Variants in CFAP206 observed in about 807,000 individuals in gnomAD.
The protein encoded by CFAP206 is cilia and flagella associated protein 206.
In CFAP206, 53 loss-of-function variants were observed where a neutral mutation model predicts 65.4. The ratio of observed to expected loss-of-function variants is 0.81; its 90% CI spans 0.65 to 1.02. The LOEUF (loss-of-function observed/expected upper bound fraction) is 1.02, where lower values mean the gene tolerates loss of function less well. Among genes scored for constraint, CFAP206 ranks in the 50% least tolerant of loss-of-function variants. The pLI is 0.00. For missense variants in CFAP206, 663 were observed against 753.2 expected (o/e 0.88, Z 1.40); for synonymous variants, 250 against 254.4 (o/e 0.98, Z 0.17).
At chr6:87,454,893 T>C (rs191967147) in intron 11 of CFAP206, among the ~76,000 whole-genome samples, 89 of 149,264 alleles carry the variant, frequency 6.0e-4, no homozygotes, top group African/African-American at 2.1e-3. Context: ...TAAAAATCAA[T>C]AACAAGAGGA....
intron 7 of CFAP206, among the ~76,000 whole-genome samples, chr6:87,421,090 G>C (rs887626808): frequency 2.0e-4 from 31 of 152,108 alleles, no homozygotes; most frequent in Admixed American, 8.5e-4. Context: ...ATGAATATTC[G>C]TTTTAAAGTC....
chr6:87,421,465 G>T, intron 7 of CFAP206, among the ~76,000 whole-genome samples: 1 of 152,152 alleles, frequency 6.6e-6, no homozygotes, highest in Middle Eastern at 3.4e-3. Flanking sequence ...CAGCCTGGGC[G>T]ACAGAGTGAG....
At chr6:87,442,178 C>T (rs948089484) in intron 11 of CFAP206, 1 of 154,174 alleles carries the variant, frequency 6.5e-6, no homozygotes, top group Non-Finnish European at 1.5e-5. Context: ...TCAACAACCA[C>T]AGCAAATCAA....
chr6:87,445,994 T>A (rs942859924), intron 11 of CFAP206, among the ~76,000 whole-genome samples: 1 of 152,230 alleles, frequency 6.6e-6, no homozygotes, highest in African/African-American at 2.4e-5. Context: ...GTTGCATGAA[T>A]GTCTTCTTTT....
In CFAP206 at chr6:87,462,087, A is replaced by C. The variant is rs528864758; in HGVS notation, c.1638+922A>C. On this transcript the variant is annotated intron_variant, in intron 12 of 12. Coordinates refer to ENST00000369562, the MANE Select transcript of CFAP206 (RefSeq NM_001031743.3). ...GGCAGAAGGGGCCAAAAAATGGAGAAGTTGGCTAAGTCTTCAACATTCTGG... is the reference window on the plus strand; with the variant it reads ...GGCAGAAGGGGCCAAAAAATGGAGACGTTGGCTAAGTCTTCAACATTCTGG... Among the ~76,000 whole-genome samples the C allele has an allele frequency of 2.6e-5, 4 of 152,324 alleles. No homozygotes were observed. The East Asian group carries it at 7.7e-4, about 29-fold the overall frequency.
At chr6:87,417,987 C>T (rs1472407623) in intron 6 of CFAP206, among the ~76,000 whole-genome samples, 1 of 151,988 alleles carries the variant, frequency 6.6e-6, no homozygotes, top group Non-Finnish European at 1.5e-5. Flanking sequence ...ATCCGCCCGC[C>T]TCGGCCTCCC....
chr6:87,460,001 G>A (rs1582154368), intron 11 of CFAP206, among the ~76,000 whole-genome samples: 1 of 152,002 alleles, frequency 6.6e-6, no homozygotes, highest in Non-Finnish European at 1.5e-5. Flanking sequence ...TTACTTGTAT[G>A]GTACAGTATT....
intron 11 of CFAP206, among the ~76,000 whole-genome samples, chr6:87,439,647 C>CT (rs35729128): frequency 6.6e-6 from 1 of 151,916 alleles, no homozygotes; most frequent in East Asian, 1.9e-4. Flanking sequence ...ATATTCTTAC[C>CT]TTTTTTTAAA....
chr6:87,423,501 C>G (rs550469411), intron 7 of CFAP206, among the ~76,000 whole-genome samples: 3 of 145,684 alleles, frequency 2.1e-5, no homozygotes, highest in Non-Finnish European at 4.5e-5. Context: ...CACCCGCCTC[C>G]GCCTCCCAAA....
intron 12 of CFAP206, among the ~76,000 whole-genome samples, chr6:87,462,810 GCCTTATTATTC>G (rs1034930488): frequency 1.3e-5 from 2 of 152,060 alleles, no homozygotes; most frequent in Non-Finnish European, 2.9e-5. Flanking sequence ...CTCACCTTGG[GCCTTATTATTC>G]CCTAGAACTG....
intron 10 of CFAP206, among the ~76,000 whole-genome samples, chr6:87,431,781 A>C (rs1562247442): frequency 1.3e-5 from 2 of 152,178 alleles, no homozygotes; most frequent in Non-Finnish European, 2.9e-5. Flanking sequence ...AACAAAAGAA[A>C]TGTTACACAA....
chr6:87,413,889 A>G lies in CFAP206; in HGVS notation c.272A>G (p.Tyr91Cys). The G allele has an allele frequency of 6.5e-7, 1 of 1,534,388 alleles. No homozygotes were observed. Among genetic ancestry groups the G allele is most frequent in the South Asian group, 1.3e-5 (1 of 76,126 alleles). ...IKMQVYFDMNYTNRVEFLEEH... is the reference protein window; with the variant it reads ...IKMQVYFDMNCTNRVEFLEEH... ...ATGCAAGTCTACTTCGATATGAATT[A>G]TACGAATCGAGGTAATGTATACTAC... is the stretch of plus-strand genomic sequence containing the variant. Residue 91 changes from tyrosine (Y) to cysteine (C), a missense_variant, in exon 4 of 13, where the codon TAT becomes TGT. Tyr to Cys is a radical substitution (Grantham distance 194). Transcript: ENST00000369562.
chr6:87,446,719 A>G (rs1768446703), intron 11 of CFAP206, among the ~76,000 whole-genome samples: 1 of 152,084 alleles, frequency 6.6e-6, no homozygotes, highest in South Asian at 2.1e-4. Flanking sequence ...TAGTTTTTCT[A>G]ATCTGTGAAG....
intron 10 of CFAP206, 72 bp downstream of exon 10, chr6:87,431,245 T>C: frequency 7.2e-7 from 1 of 1,385,460 alleles, no homozygotes; most frequent in Non-Finnish European, 1.0e-6. Flanking sequence ...TCATTGTCAC[T>C]TGAATATTCA....
At chr6:87,414,588 C>T (rs1767792559) in intron 4 of CFAP206, among the ~76,000 whole-genome samples, 1 of 152,128 alleles carries the variant, frequency 6.6e-6, no homozygotes, top group African/African-American at 2.4e-5. Context: ...GTGTGAGCCA[C>T]CATGCCTGGC....
At chr6:87,459,158 C>CT (rs1256670111) in intron 11 of CFAP206, among the ~76,000 whole-genome samples, 8 of 152,012 alleles carry the variant, frequency 5.3e-5, no homozygotes, top group Non-Finnish European at 1.2e-4. Flanking sequence ...GAGCCAACTA[C>CT]TTTGAAAAAT....
Position 87,410,668 on chromosome 6 carries a change from G to A in CFAP206, c.192G>A (p.Lys64=), listed in dbSNP as rs1767720635. The A allele has an allele frequency of 6.2e-7, 1 of 1,611,990 alleles. No homozygotes were observed. Among genetic ancestry groups the A allele is most frequent in the African/African-American group, 1.3e-5 (1 of 74,946 alleles). ...AAAGTGATGTGCAGAATCTTGTTAA[G>A]GTGATTACCCAACAGTCCTCAAATT... ...LMKSDVQNLV[K]LCMTRLLDTK... is the part of the protein sequence containing the mutation. Residue 64 remains lysine (K), a splice_region_variant and synonymous_variant, in exon 3 of 13, where the codon AAG becomes AAA. Coordinates refer to ENST00000369562, the MANE Select transcript of CFAP206 (RefSeq NM_001031743.3).
intron 11 of CFAP206, among the ~76,000 whole-genome samples, chr6:87,455,075 A>G (rs1768616829): frequency 6.6e-6 from 1 of 151,624 alleles, no homozygotes; most frequent in Admixed American, 6.6e-5. Context: ...GGCATACACC[A>G]CCATGGTCAG....
chr6:87,444,208 A>C (rs1582146708), intron 11 of CFAP206, among the ~76,000 whole-genome samples: 1 of 152,200 alleles, frequency 6.6e-6, no homozygotes, highest in African/African-American at 2.4e-5. Flanking sequence ...CTGAATGGAT[A>C]CGCTAATGGC....
Sources: allele counts gnomAD v4.1 joint callset (sites outside exome capture counted in the v4.1 genomes callset), GRCh38; gene constraint gnomAD v4.1.1; transcripts MANE v1.5; gene names NCBI Gene and HGNC (gene_info 2026-07-23, HGNC 2026-07-21).